The following CNBD2 variants were observed in gnomAD, a reference collection of about 807,000 sequenced individuals.
CNBD2 encodes the protein cyclic nucleotide-binding domain-containing protein 2.
CNBD2 carries 64 observed loss-of-function variants against 63.7 expected under a neutral mutation model. The observed-to-expected ratio is 1.00, with a 90% confidence interval of 0.82 to 1.24. CNBD2 has a LOEUF of 1.24. Ranked by LOEUF, CNBD2 falls within the 50% of genes most tolerant of loss-of-function variation. CNBD2 has a pLI of 0.00. For synonymous variants in CNBD2, 229 were observed against 255.4 expected (o/e 0.90, Z 0.99); for missense variants, 691 against 713.5 (o/e 0.97, Z 0.36).
chr20:35,954,847 C>G (rs2056235989), exon 1 of CNBD2: 1 of 308,188 alleles, frequency 3.2e-6, no homozygotes, highest in Non-Finnish European at 6.6e-6. Context: ...TGACGGCTGG[C>G]CGGGGCTCGT....
chr20:36,005,998 T>C (rs1438690053), intron 8 of CNBD2, among the ~76,000 whole-genome samples: 1 of 151,972 alleles, frequency 6.6e-6, no homozygotes, highest in African/African-American at 2.4e-5. Flanking sequence ...AGACATTAAT[T>C]TGAAGAGTTG....
At chr20:36,005,956 C>CA (rs1200907806) in intron 8 of CNBD2, among the ~76,000 whole-genome samples, 2 of 150,210 alleles carry the variant, frequency 1.3e-5, no homozygotes, top group Non-Finnish European at 3.0e-5. Flanking sequence ...ATCTCAAAAA[C>CA]AAAAAAACAA....
intron 10 of CNBD2, among the ~76,000 whole-genome samples, chr20:36,022,631 G>C (rs1254135238): frequency 6.6e-6 from 1 of 150,722 alleles, no homozygotes; most frequent in African/African-American, 2.4e-5. Context: ...CACCACACCT[G>C]GCCTATTTTA....
intron 8 of CNBD2, among the ~76,000 whole-genome samples, chr20:36,007,396 T>G (rs1035268262): frequency 6.6e-6 from 1 of 151,000 alleles, no homozygotes; most frequent in Non-Finnish European, 1.5e-5. Flanking sequence ...GCAATCCTCC[T>G]ACCTCAGCCT....
chr20:35,954,707 T>G, exon 1 of CNBD2: 1 of 1,039,214 alleles, frequency 9.6e-7, no homozygotes, highest in Non-Finnish European at 1.3e-6. Context: ...TGTTTGGAGA[T>G]AGACTTCAAG....
intron 4 of CNBD2, among the ~76,000 whole-genome samples, chr20:35,981,079 G>A (rs1038601552): frequency 2.6e-5 from 4 of 152,178 alleles, no homozygotes; most frequent in Non-Finnish European, 5.9e-5. Context: ...GTTGAGAAAG[G>A]GTAGTTTCCC....
Position 35,984,646 on chromosome 20 carries a change from C to A in CNBD2, c.584C>A (p.Ala195Asp). Residue 195 changes from alanine to aspartate, a missense_variant, in exon 6 of 12, where the codon GCT becomes GAT. Physicochemically the swap from Ala to Asp is moderately radical, Grantham distance 126. Coordinates refer to ENST00000373973, the MANE Select transcript of CNBD2 (RefSeq NM_001365709.1). ...SCFGEMDVLH[A>D]SVRRSTIVCM... ...CAACAGGAAATGGACGTTCTGCATG[C>A]TTCAGTGAGGAGGTCCACCATCGTC... 4.3e-6 allele frequency: 7 copies of A among 1,614,150 alleles called. No individual in the cohort carries two copies. The highest frequency in any genetic ancestry group is 5.9e-6 in the Non-Finnish European group (7 of 1,180,020).
chr20:36,013,585 T>C (rs73902956), intron 10 of CNBD2, among the ~76,000 whole-genome samples: 6,018 of 152,266 alleles, frequency 0.04, 418 homozygotes, highest in African/African-American at 0.14. Context: ...GTGGAACTGG[T>C]AAGACTAAAG....
chr20:35,996,614 TCTC>T (rs1207220254), intron 8 of CNBD2, among the ~76,000 whole-genome samples: 3 of 151,818 alleles, frequency 2.0e-5, no homozygotes, highest in Non-Finnish European at 4.4e-5. Flanking sequence ...TTCAGGCAAT[TCTC>T]CTGCCTCAGC....
chr20:36,006,984 T>C (rs1011408962), intron 8 of CNBD2, among the ~76,000 whole-genome samples: 9 of 152,070 alleles, frequency 5.9e-5, no homozygotes, highest in African/African-American at 2.2e-4. Flanking sequence ...GGTCAGGAGA[T>C]TGAGACAATC....
intron 6 of CNBD2, 141 bp from the exon 7 acceptor site, chr20:35,987,254 G>A (rs1284193151): frequency 2.7e-5 from 23 of 857,324 alleles, no homozygotes; most frequent in African/African-American, 2.5e-4. Context: ...TACAGGCAAG[G>A]CCAGGTAATT....
chr20:35,970,363 C>T (rs778429549), intron 1 of CNBD2, among the ~76,000 whole-genome samples: 22 of 152,128 alleles, frequency 1.4e-4, no homozygotes, highest in Admixed American at 7.2e-4. Context: ...TTATGATACA[C>T]TTTAAAAAGA....
rs370340433 is a variant in CNBD2 at position 35,998,540 on chromosome 20, T to C, written c.970+3388T>C. ...GGTTGATAGTATTGGTCAAGTCATC[T>C]GTACCCTTATAACTTTCTGTCTACT... On this transcript the variant is annotated intron_variant, in intron 8 of 11. Coordinates refer to ENST00000373973, the MANE Select transcript of CNBD2 (RefSeq NM_001365709.1). 2.6e-5 allele frequency among the ~76,000 whole-genome samples: 4 copies of C among 152,284 alleles called. No individual in the cohort carries two copies. The East Asian group carries it at 7.7e-4, about 29-fold the overall frequency.
chr20:36,020,552 C>T (rs2057193900), intron 10 of CNBD2, among the ~76,000 whole-genome samples: 2 of 152,154 alleles, frequency 1.3e-5, no homozygotes, highest in Admixed American at 1.3e-4. Context: ...CTATTATTAC[C>T]ATTTCATCAT....
chr20:36,004,169 A>T (rs1325424634), intron 8 of CNBD2, among the ~76,000 whole-genome samples: 1 of 152,156 alleles, frequency 6.6e-6, no homozygotes, highest in African/African-American at 2.4e-5. Context: ...CCCACACTTA[A>T]TGGGAGGGTA....
chr20:36,002,108 T>C (rs1486839087), intron 8 of CNBD2, among the ~76,000 whole-genome samples: 1 of 152,142 alleles, frequency 6.6e-6, no homozygotes, highest in East Asian at 1.9e-4. Context: ...CTGGGCACCA[T>C]TGAGCACTGA....
chr20:35,989,079 C>T (rs1024018196), intron 7 of CNBD2, among the ~76,000 whole-genome samples: 23 of 152,060 alleles, frequency 1.5e-4, no homozygotes, highest in Non-Finnish European at 2.5e-4. Context: ...CTCTATAGCC[C>T]GGAGGAGGTT....
chr20:35,966,554 A>G (rs754855108), upstream of CNBD2, among the ~76,000 whole-genome samples: 2 of 152,226 alleles, frequency 1.3e-5, no homozygotes, highest in Non-Finnish European at 2.9e-5. Context: ...ATATTTTTCT[A>G]TATCTTTAGA....
chr20:36,024,033 G>C (rs539106949), intron 11 of CNBD2, among the ~76,000 whole-genome samples: 2 of 152,206 alleles, frequency 1.3e-5, no homozygotes. Flanking sequence ...AGAAAGCCCT[G>C]CATTAAGATG....
Sources: allele counts gnomAD v4.1 joint callset (sites outside exome capture counted in the v4.1 genomes callset), GRCh38; gene constraint gnomAD v4.1.1; transcripts MANE v1.5; gene names NCBI Gene and HGNC (gene_info 2026-07-23, HGNC 2026-07-21).